C12orf56: variants seen among roughly 807,000 people sequenced by gnomAD.
The protein encoded by C12orf56 is uncharacterized protein C12orf56.
Under a neutral mutation model 69.9 loss-of-function variants are expected in C12orf56, and 71 were observed. The observed-to-expected ratio is 1.02, with a 90% CI of 0.84 to 1.24. The LOEUF is 1.24. C12orf56 is among the 50% of genes most tolerant of loss of function. The pLI, the probability that C12orf56 is intolerant of heterozygous loss-of-function variation, is 0.00. For synonymous variants in C12orf56, 276 were observed against 274.1 expected, an observed-to-expected ratio of 1.01 and a Z score of -0.07; for missense variants, 732 against 738.5, an observed-to-expected ratio of 0.99 and a Z score of 0.10.
Position 64,275,763 on chromosome 12 carries a change from C to A in C12orf56, c.1435-391G>T, listed in dbSNP as rs550102789. Among the ~76,000 whole-genome samples the A allele has an allele frequency of 2.6e-5, 4 of 152,076 alleles. No homozygotes were observed. The South Asian group carries it at 8.3e-4, about 32-fold the overall frequency. ...GACTACAGGTATGTGCCACCATGCC[C>A]AGGTAATTTTTGATTTTTTATTTTT... is the stretch of plus-strand genomic sequence containing the variant. On this transcript the variant is annotated intron_variant, in intron 9 of 12. Coordinates refer to ENST00000543942, the MANE Select transcript of C12orf56 (RefSeq NM_001170633.2).
intron 8 of C12orf56, among the ~76,000 whole-genome samples, chr12:64,282,406 A>G (rs2038141321): frequency 6.6e-6 from 1 of 152,204 alleles, no homozygotes; most frequent in African/African-American, 2.4e-5. Context: ...CGCAGCACAG[A>G]TTGTATGACG....
chr12:64,270,603 T>C lies in C12orf56; in HGVS notation c.1696A>G (p.Lys566Glu), dbSNP rs182706895. The change falls in exon 12 of 13, where the codon AAG (lysine) becomes GAG (glutamate). Residue 566 changes from lysine to glutamate, a missense_variant. Physicochemically the swap from Lys to Glu is moderately conservative, Grantham distance 56. Transcript: ENST00000543942. ...VLLYQQFYILKSCLRHSRTLA... is the reference protein window; with the variant it reads ...VLLYQQFYILESCLRHSRTLA... ...GTCCTGCTGTGCCGCAGACAGCTCT[T>C]GAGGATGTAAAATTGCTGGTACAAC... 2.5e-4 allele frequency: 397 copies of C among 1,613,620 alleles called. No individual in the cohort carries two copies. Among genetic ancestry groups the C allele is most frequent in the Admixed American group, 3.5e-4 (21 of 59,964 alleles).
At chr12:64,357,935 G>A (rs1233143640) in intron 1 of C12orf56, among the ~76,000 whole-genome samples, 1 of 150,578 alleles carries the variant, frequency 6.6e-6, no homozygotes, top group Non-Finnish European at 1.5e-5. Flanking sequence ...AAGAAATAAA[G>A]AAAACAAAGC....
chr12:64,318,120 A>G (rs748892321), intron 4 of C12orf56, among the ~76,000 whole-genome samples: 1 of 151,996 alleles, frequency 6.6e-6, no homozygotes, highest in Admixed American at 6.6e-5. Context: ...GCAGTGGTGC[A>G]ATCTCAGCTC....
chr12:64,354,250 C>G (rs2039275809), intron 1 of C12orf56, among the ~76,000 whole-genome samples: 1 of 152,204 alleles, frequency 6.6e-6, no homozygotes, highest in Non-Finnish European at 1.5e-5. Context: ...ACTTCACTTT[C>G]TATGACAAGC....
chr12:64,347,276 C>T (rs1222498337), intron 2 of C12orf56, among the ~76,000 whole-genome samples: 1 of 142,018 alleles, frequency 7.0e-6, no homozygotes, highest in Non-Finnish European at 1.5e-5. Context: ...CCATGCCCAG[C>T]CTAGTAACTT....
In C12orf56 at chr12:64,331,101, C is replaced by T. The variant is rs940450667; in HGVS notation, c.416-69G>A. The T allele has an allele frequency of 1.0e-5, 13 of 1,259,498 alleles. No individual in the cohort carries two copies. The African/African-American group carries it at 1.5e-4, about 15-fold the overall frequency. 78.0% of individuals were successfully genotyped at this position (1,259,498 alleles called of 1,614,324 possible). A position where few individuals can be genotyped will look rare whatever the true frequency, so the allele number is the denominator to read the frequency against. On this transcript the variant is annotated intron_variant, in intron 2 of 12. Coordinates refer to ENST00000543942, the MANE Select transcript of C12orf56 (RefSeq NM_001170633.2). ...ATTGAAATTATGAAGAAGACCTAGT[C>T]TCATGTACTGATTAAATGACTGTTC...
chr12:64,325,842 A>G (rs1046858150), intron 3 of C12orf56, among the ~76,000 whole-genome samples: 2 of 152,226 alleles, frequency 1.3e-5, no homozygotes, highest in Non-Finnish European at 2.9e-5. Context: ...ATAAACATAC[A>G]GTCTAGGTAA....
In C12orf56 at chr12:64,390,446, G is replaced by GATGC. The variant is rs2039853949; in HGVS notation, c.116_119dup (p.Ile40MetfsTer8). The GATGC allele has an allele frequency of 6.2e-7, 1 of 1,611,356 alleles. No homozygotes were observed. The highest frequency in any genetic ancestry group is 1.1e-5 in the South Asian group (1 of 91,082). On this transcript the variant is annotated frameshift_variant, in exon 1 of 13. Transcript: ENST00000543942. LOFTEE classifies it high-confidence loss of function. Reference sequence around the variant, plus strand: ...TGTGGTTCTCAGAGTTGGACACCACGATGCATGGCTCGTAGGCGCGGACCG... The same window carrying GATGC: ...TGTGGTTCTCAGAGTTGGACACCACGATGCATGCATGGCTCGTAGGCGCGGACCG...
At chr12:64,324,947 C>T (rs2038819030) in intron 3 of C12orf56, among the ~76,000 whole-genome samples, 1 of 152,100 alleles carries the variant, frequency 6.6e-6, no homozygotes, top group South Asian at 2.1e-4. Context: ...GCCAGCAATT[C>T]TCAAACCTTG....
At chr12:64,366,032 T>C (rs1405724144) in intron 1 of C12orf56, among the ~76,000 whole-genome samples, 2 of 118,000 alleles carry the variant, frequency 1.7e-5, no homozygotes, top group Admixed American at 2.1e-4. Flanking sequence ...TTGTATAATA[T>C]ATAGTTTATA....
intron 1 of C12orf56, among the ~76,000 whole-genome samples, chr12:64,357,724 C>A (rs1383871351): frequency 6.6e-6 from 1 of 151,838 alleles, no homozygotes; most frequent in Non-Finnish European, 1.5e-5. Context: ...TAGTGAGACC[C>A]CCCCAATCTC....
chr12:64,270,054 G>T (rs1003576937), intron 12 of C12orf56, among the ~76,000 whole-genome samples: 2 of 152,016 alleles, frequency 1.3e-5, no homozygotes, highest in Non-Finnish European at 2.9e-5. Flanking sequence ...ATGGTTCTTA[G>T]AGGTCCCCAA....
intron 5 of C12orf56, among the ~76,000 whole-genome samples, chr12:64,311,318 C>A (rs2038611874): frequency 1.3e-5 from 2 of 151,278 alleles, no homozygotes; most frequent in African/African-American, 4.9e-5. Flanking sequence ...GAGGCTGATG[C>A]AGGGGAACTG....
At chr12:64,272,233 G>C (rs909555285) in intron 11 of C12orf56, among the ~76,000 whole-genome samples, 2 of 152,040 alleles carry the variant, frequency 1.3e-5, no homozygotes, top group Non-Finnish European at 2.9e-5. Context: ...GGCCAGGCAC[G>C]GTGGCTCACA....
At chr12:64,293,878 C>T (rs995341549) in intron 6 of C12orf56, among the ~76,000 whole-genome samples, 6 of 152,102 alleles carry the variant, frequency 3.9e-5, no homozygotes, top group African/African-American at 1.4e-4. Flanking sequence ...GAACTGGTGG[C>T]CAAAGGGCAC....
rs555292618 is a variant in C12orf56 at position 64,299,376 on chromosome 12, C to T, written c.1113+4259G>A. On this transcript the variant is annotated intron_variant, in intron 6 of 12. Transcript: ENST00000543942. ...CTTTTCCTATCTGAATTATTTCCTT[C>T]TCCATTCACTTTGGCCTTTCATTTT... 4.6e-5 allele frequency among the ~76,000 whole-genome samples: 7 copies of T among 152,218 alleles called. No homozygotes were observed. In the South Asian group the frequency reaches 1.2e-3, roughly 27 times the overall value.
At chr12:64,305,093 C>A (rs2038494321) in intron 5 of C12orf56, among the ~76,000 whole-genome samples, 1 of 152,030 alleles carries the variant, frequency 6.6e-6, no homozygotes, top group African/African-American at 2.4e-5. Context: ...TTTGTCCAAT[C>A]AATGAGTCGC....
chr12:64,332,618 AG>A (rs11343942), intron 2 of C12orf56, among the ~76,000 whole-genome samples: 68,501 of 151,872 alleles, frequency 0.45, 15,843 homozygotes, highest in African/African-American at 0.55. Flanking sequence ...AGTTATTTCA[AG>A]GGGGGGCTCT....
Sources: allele counts gnomAD v4.1 joint callset (sites outside exome capture counted in the v4.1 genomes callset), GRCh38; gene constraint gnomAD v4.1.1; transcripts MANE v1.5; gene names NCBI Gene and HGNC (gene_info 2026-07-23, HGNC 2026-07-21).